ABHD13: variants seen among roughly 807,000 people sequenced by gnomAD.
ABHD13 encodes abhydrolase domain containing 13, also known as protein ABHD13.
Under a neutral mutation model 25.2 loss-of-function variants are expected in ABHD13, and 7 were observed. The observed-to-expected ratio is 0.28, with a 90% CI of 0.16 to 0.52. ABHD13 has a LOEUF of 0.52. Among genes scored for constraint, ABHD13 ranks in the 20% least tolerant of loss-of-function variants. The pLI is 0.96. For synonymous variants in ABHD13, 133 were observed against 136.1 expected, an observed-to-expected ratio of 0.98 and a Z score of 0.16; for missense variants, 302 against 402.7, an observed-to-expected ratio of 0.75 and a Z score of 2.14.
At chr13:108,224,089 T>C (rs760738880) in intron 1 of ABHD13, among the ~76,000 whole-genome samples, 2 of 152,220 alleles carry the variant, frequency 1.3e-5, no homozygotes, top group Non-Finnish European at 2.9e-5. Flanking sequence ...ACTACTAAAA[T>C]TATGTTGTGA....
chr13:108,226,386 A>G (rs539921214), intron 1 of ABHD13, among the ~76,000 whole-genome samples: 4 of 152,264 alleles, frequency 2.6e-5, no homozygotes, highest in African/African-American at 9.6e-5. Flanking sequence ...CCCTGTTTAT[A>G]CTTCCCACTG....
At chr13:108,219,668 A>G (rs1879507436) in intron 1 of ABHD13, among the ~76,000 whole-genome samples, 2 of 152,222 alleles carry the variant, frequency 1.3e-5, no homozygotes, top group South Asian at 4.1e-4. Flanking sequence ...CTGCGTACAG[A>G]AAATGTAGAG....
chr13:108,219,939 A>T (rs1879519172), intron 1 of ABHD13, among the ~76,000 whole-genome samples: 1 of 152,144 alleles, frequency 6.6e-6, no homozygotes, highest in Admixed American at 6.5e-5. Context: ...CCATTATTTG[A>T]TCTAGGACTA....
At chr13:108,227,878 G>A (rs1445348654) in intron 1 of ABHD13, among the ~76,000 whole-genome samples, 1 of 151,980 alleles carries the variant, frequency 6.6e-6, no homozygotes, top group African/African-American at 2.4e-5. Context: ...TGGGAAATCA[G>A]AAAAATGTTG....
At chr13:108,228,428 C>T (rs1432946302) in intron 1 of ABHD13, among the ~76,000 whole-genome samples, 1 of 151,832 alleles carries the variant, frequency 6.6e-6, no homozygotes, top group Non-Finnish European at 1.5e-5. Flanking sequence ...TCTCATGACA[C>T]TAGCAATATG....
chr13:108,227,233 T>A (rs2139012520), intron 1 of ABHD13, among the ~76,000 whole-genome samples: 1 of 152,292 alleles, frequency 6.6e-6, no homozygotes, highest in South Asian at 2.1e-4. Flanking sequence ...TTTTCTGATG[T>A]TGTTTTAAAC....
rs1274315669 is a variant in ABHD13, at chr13:108,218,483, G to A, written c.-197G>A. ...CATTTGCCGGCGACACCCGAGCGGG[G>A]GCCGGAAGTGGGGCCACAGCTCGCA... On this transcript the variant is annotated 5_prime_UTR_variant, in exon 1 of 2. Coordinates refer to ENST00000375898, the MANE Select transcript of ABHD13 (RefSeq NM_032859.3). The A allele has an allele frequency of 6.6e-6, 1 of 152,308 alleles. No individual in the cohort carries two copies. The highest frequency in any genetic ancestry group is 1.9e-4 in the East Asian group (1 of 5,180). 9.4% of individuals were successfully genotyped at this position (152,308 alleles called of 1,614,324 possible). A position where few individuals can be genotyped will look rare whatever the true frequency, so the allele number is the denominator to read the frequency against.
chr13:108,219,089 T>C (rs1339718982), intron 1 of ABHD13, among the ~76,000 whole-genome samples: 1 of 151,422 alleles, frequency 6.6e-6, no homozygotes, highest in Non-Finnish European at 1.5e-5. Context: ...TCCCCCACCC[T>C]CCCACACAGA....
intron 1 of ABHD13, among the ~76,000 whole-genome samples, chr13:108,225,794 G>T (rs1879660372): frequency 6.6e-6 from 1 of 152,116 alleles, no homozygotes; most frequent in Non-Finnish European, 1.5e-5. Context: ...TGTAAAAGAA[G>T]ACTGGAAGAT....
chr13:108,221,539 C>T (rs1879568591), intron 1 of ABHD13, among the ~76,000 whole-genome samples: 1 of 152,116 alleles, frequency 6.6e-6, no homozygotes, highest in Non-Finnish European at 1.5e-5. Flanking sequence ...TCCCTTTCCA[C>T]TTTTTACAGT....
intron 1 of ABHD13, among the ~76,000 whole-genome samples, chr13:108,221,765 C>A (rs571538083): frequency 6.6e-6 from 1 of 151,708 alleles, no homozygotes; most frequent in South Asian, 2.1e-4. Flanking sequence ...GGGTAATGCA[C>A]TTTTTTGTAT....
At position 108,230,344 on chromosome 13, in the gene ABHD13, T is replaced by C; in HGVS notation, c.*112T>C. ...CTGTCTGAAGAGTGACATTAAACTT[T>C]GAAAGGACTTCACTGCTCCTTTACG... On this transcript the variant is annotated 3_prime_UTR_variant, in exon 2 of 2. Transcript: ENST00000375898. The C allele has an allele frequency of 1.1e-6, 1 of 902,792 alleles. No homozygotes were observed. Among genetic ancestry groups the C allele is most frequent in the Non-Finnish European group, 1.6e-6 (1 of 611,712 alleles). The allele number at this position is 902,792 out of a possible 1,614,324, so 55.9% of individuals were successfully genotyped here.
rs1465123274 is a variant in ABHD13, at chr13:108,230,892, A to G, written c.*660A>G. On this transcript the variant is annotated 3_prime_UTR_variant, in exon 2 of 2. Transcript: ENST00000375898. ...AGATCCAGCTTTTTCTTACAAATAA[A>G]TGGGACCCTGTTTTCCAATACAAAT... 1.2e-5 allele frequency: 2 copies of G among 166,858 alleles called. No homozygotes were observed. Among genetic ancestry groups the G allele is most frequent in the Non-Finnish European group, 1.5e-5 (1 of 67,966 alleles). 10.3% of individuals were successfully genotyped at this position (166,858 alleles called of 1,614,324 possible).
At position 108,230,112 on chromosome 13, in the gene ABHD13, C is replaced by A. The variant is rs200881298; in HGVS notation, c.894C>A (p.His298Gln). 6.2e-7 allele frequency: 1 copy of A among 1,613,174 alleles called. No individual in the cohort carries two copies. Among genetic ancestry groups the A allele is most frequent in the South Asian group, 1.1e-5 (1 of 91,070 alleles). The stretch of plus-strand genomic sequence containing the variant: ...TAGCCATTTTTCCAGATGGGACTCA[C>A]AATGACACATGGCAGTGCCAAGGCT... Reference protein sequence around the residue: ...KRLAIFPDGTHNDTWQCQGYF... With the variant: ...KRLAIFPDGTQNDTWQCQGYF... The change falls in exon 2 of 2, where the codon CAC becomes CAA. Residue 298 changes from histidine to glutamine, a missense_variant. His to Gln is a conservative substitution (Grantham distance 24). Coordinates refer to ENST00000375898, the MANE Select transcript of ABHD13 (RefSeq NM_032859.3).
chr13:108,221,419 A>G (rs941663400), intron 1 of ABHD13, among the ~76,000 whole-genome samples: 1 of 152,190 alleles, frequency 6.6e-6, no homozygotes, highest in Non-Finnish European at 1.5e-5. Flanking sequence ...GTTCCACATT[A>G]CTTCACATGT....
intron 1 of ABHD13, among the ~76,000 whole-genome samples, chr13:108,227,217 G>T (rs972663760): frequency 6.6e-6 from 1 of 151,844 alleles, no homozygotes; most frequent in Non-Finnish European, 1.5e-5. Context: ...AAACAAATAC[G>T]CCCATTTTTC....
chr13:108,229,399 C>T lies in ABHD13; in HGVS notation c.181C>T (p.Gln61Ter). The T allele has an allele frequency of 6.2e-7, 1 of 1,612,416 alleles. No individual in the cohort carries two copies. The highest frequency in any genetic ancestry group is 8.5e-7 in the Non-Finnish European group (1 of 1,179,124). ...AATAGCAGGTATTCTGTATAAATTC[C>T]AGGATGTATTGCTTTATTTTCCAGA... ...ISIAGILYKFQDVLLYFPEQP... is the reference protein window; with the variant it reads ...ISIAGILYKF Residue 61 changes from glutamine (Q) to a stop codon, truncating the protein, a stop_gained, in exon 2 of 2, where the codon CAG (glutamine) becomes TAG (stop). Coordinates refer to ENST00000375898, the MANE Select transcript of ABHD13 (RefSeq NM_032859.3). LOFTEE classifies it high-confidence loss of function. The surrounding 1 kb of genome is among the most constrained non-coding windows in gnomAD (Gnocchi z 4.7).
intron 1 of ABHD13, among the ~76,000 whole-genome samples, chr13:108,220,310 C>A (rs573338646): frequency 6.6e-6 from 1 of 152,322 alleles, no homozygotes; most frequent in East Asian, 1.9e-4. Context: ...GACCTCTTGG[C>A]ATGTGGATAA....
chr13:108,229,110 G>T lies in ABHD13; in HGVS notation c.-20-89G>T. The T allele has an allele frequency of 3.2e-6, 3 of 949,236 alleles. No homozygotes were observed. The highest frequency in any genetic ancestry group is 5.3e-5 in the East Asian group (2 of 38,048). The allele number at this position is 949,236 out of a possible 1,614,324, so 58.8% of individuals were successfully genotyped here. A position where few individuals can be genotyped will look rare whatever the true frequency, so the allele number is the denominator to read the frequency against. ...CTATTACCATATTTAACAATTACAT[G>T]TGGCCTAGTACCATAGTTTATTATA... On this transcript the variant is annotated intron_variant, in intron 1 of 1. Coordinates refer to ENST00000375898, the MANE Select transcript of ABHD13 (RefSeq NM_032859.3). This position sits in a 1 kb window ranked among gnomAD's most constrained non-coding sequence, Gnocchi z 4.7.
Sources: gnomAD v4.1 joint callset for allele counts (sites outside exome capture counted in the v4.1 genomes callset) on GRCh38, gnomAD v4.1.1 for gene constraint, Gnocchi (gnomAD v3.1) non-coding constraint, MANE v1.5 for transcripts, NCBI Gene and HGNC (gene_info 2026-07-23, HGNC 2026-07-21) for gene names.